The following SEMA4D variants were observed in gnomAD, a reference collection of about 807,000 sequenced individuals.
SEMA4D encodes the protein semaphorin 4D, also known as semaphorin-4D.
SEMA4D carries 22 observed loss-of-function variants against 74.8 expected under a neutral mutation model. The ratio of observed to expected loss-of-function variants is 0.29; its 90% CI spans 0.21 to 0.42. The LOEUF (loss-of-function observed/expected upper bound fraction) is 0.42. Among genes scored for constraint, SEMA4D ranks in the 10% least tolerant of loss-of-function variants. The pLI is 1.00. For missense variants in SEMA4D, 937 were observed against 1,118.4 expected (o/e 0.84, Z 2.31); for synonymous variants, 445 against 463.7 (o/e 0.96, Z 0.52).
At chr9:89,485,830 A>G (rs1274687756) in intron 1 of SEMA4D, among the ~76,000 whole-genome samples, 2 of 145,204 alleles carry the variant, frequency 1.4e-5, no homozygotes, top group East Asian at 3.9e-4. Flanking sequence ...AAAAAAAACC[A>G]CTAACCAACT....
intron 1 of SEMA4D, among the ~76,000 whole-genome samples, chr9:89,495,267 G>C (rs1825922219): frequency 6.6e-6 from 1 of 152,160 alleles, no homozygotes; most frequent in Non-Finnish European, 1.5e-5. Context: ...CGCTCAGGGA[G>C]GGTCACAGAA....
exon 19 of SEMA4D, chr9:89,361,762 T>G (rs1208302901): frequency 6.5e-6 from 1 of 153,346 alleles, no homozygotes; most frequent in East Asian, 1.9e-4. Flanking sequence ...CTGAGGTTAG[T>G]GAAGAAAACA....
downstream of SEMA4D, among the ~76,000 whole-genome samples, chr9:89,374,609 C>T (rs1277212672): frequency 6.6e-6 from 1 of 152,180 alleles, no homozygotes. Flanking sequence ...TGTTAAATGC[C>T]CTGTGGTTGA....
rs754067837 is a variant in SEMA4D at position 89,391,321 on chromosome 9, A to G, written c.717T>C (p.Ser239=). 13 of 1,614,116 alleles carry G rather than the reference A, an allele frequency of 8.1e-6. No individual in the cohort carries two copies. The South Asian group carries it at 1.1e-4, about 14-fold the overall frequency. The change falls in exon 9 of 16, where the codon TCT becomes TCC. Residue 239 remains serine, a synonymous_variant. Transcript: ENST00000422704. Reference sequence around the variant, plus strand: ...CCCTGAACACAAACTCATACTCCACAGACACCTCCGTGAAGAAGAAGTAGA... The same window carrying G: ...CCCTGAACACAAACTCATACTCCACGGACACCTCCGTGAAGAAGAAGTAGA... The part of the protein sequence containing the change: ...DRVYFFFTEV[S]VEYEFVFRVL...
intron 2 of SEMA4D, among the ~76,000 whole-genome samples, chr9:89,431,643 G>A (rs1463604743): frequency 1.3e-5 from 2 of 152,134 alleles, no homozygotes; most frequent in Non-Finnish European, 2.9e-5. Context: ...GACTACAGGC[G>A]TGAGCCATCA....
At chr9:89,373,463 A>G (rs1835385888), downstream of SEMA4D, among the ~76,000 whole-genome samples, 1 of 152,304 alleles carries the variant, frequency 6.6e-6, no homozygotes, top group African/African-American at 2.4e-5. Context: ...AACCCTGACC[A>G]GCTGACCTTC....
chr9:89,391,323 A>C lies in SEMA4D; in HGVS notation c.715T>G (p.Ser239Ala). The change falls in exon 9 of 16, where the codon TCT becomes GCT. Residue 239 changes from serine (S) to alanine (A), a missense_variant. Physicochemically the swap from Ser to Ala is moderately conservative, Grantham distance 99. Transcript: ENST00000422704. ...CTGAACACAAACTCATACTCCACAG[A>C]CACCTCCGTGAAGAAGAAGTAGACC... is the stretch of plus-strand genomic sequence containing the variant. ...DRVYFFFTEV[S>A]VEYEFVFRVL... 3 of 1,614,230 alleles carry C rather than the reference A, an allele frequency of 1.9e-6. No homozygotes were observed. The highest frequency in any genetic ancestry group is 2.5e-6 in the Non-Finnish European group (3 of 1,180,028).
intron 3 of SEMA4D, among the ~76,000 whole-genome samples, chr9:89,404,935 G>A (rs59435638): frequency 6.5e-5 from 1 of 15,428 alleles, no homozygotes; most frequent in Non-Finnish European, 1.1e-4. Context: ...CCATCCCATC[G>A]CCAGCCACCC....
At position 89,439,620 on chromosome 9, in the gene SEMA4D, C is replaced by T. The variant is rs556641054; in HGVS notation, c.-244+16268G>A. Reference sequence around the variant, plus strand: ...CAAACACCTGCATTCACCACCCACACGAACAATGTGGTGCAGCATTTATTC... The same window carrying T: ...CAAACACCTGCATTCACCACCCACATGAACAATGTGGTGCAGCATTTATTC... On this transcript the variant is annotated intron_variant, in intron 2 of 15. Coordinates refer to ENST00000422704, the MANE Select transcript of SEMA4D (RefSeq NM_001371194.2). Among the ~76,000 whole-genome samples the T allele has an allele frequency of 1.7e-4, 26 of 152,322 alleles. No individual in the cohort carries two copies. In the South Asian group the frequency reaches 1.9e-3, roughly 11 times the overall value.
intron 8 of SEMA4D, among the ~76,000 whole-genome samples, chr9:89,391,621 C>A (rs13287803): frequency 2.0e-5 from 3 of 152,142 alleles, no homozygotes; most frequent in Non-Finnish European, 4.4e-5. Context: ...GCCCTACCCC[C>A]ACCTCCTCGG....
chr9:89,392,107 T>C (rs916106739), intron 8 of SEMA4D, among the ~76,000 whole-genome samples: 1 of 152,244 alleles, frequency 6.6e-6, no homozygotes, highest in African/African-American at 2.4e-5. Context: ...CTGGAAATTA[T>C]ACCATGTCCC....
At chr9:89,369,902 ATG>A (rs1161914373) in intron 16 of SEMA4D, among the ~76,000 whole-genome samples, 1 of 148,932 alleles carries the variant, frequency 6.7e-6, no homozygotes, top group Non-Finnish European at 1.5e-5. Flanking sequence ...GTATGTGTGG[ATG>A]TGATTGGTGT....
chr9:89,495,915 T>A (rs1022679718), intron 1 of SEMA4D, among the ~76,000 whole-genome samples: 2 of 152,218 alleles, frequency 1.3e-5, no homozygotes, highest in Non-Finnish European at 2.9e-5. Context: ...TTATTGATTT[T>A]GCTGTTGTGC....
chr9:89,376,618 C>G (rs1835819616), downstream of SEMA4D: 4 of 635,170 alleles, frequency 6.3e-6, no homozygotes, highest in African/African-American at 1.8e-5. Context: ...CTGGTTGACC[C>G]CTGTACACTA....
intron 2 of SEMA4D, among the ~76,000 whole-genome samples, chr9:89,441,452 G>A (rs1323392965): frequency 2.0e-5 from 3 of 152,268 alleles, no homozygotes; most frequent in East Asian, 3.8e-4. Flanking sequence ...GGATGTGGCC[G>A]AGGTGATGAT....
intron 1 of SEMA4D, chr9:89,479,813 T>C (rs961421729): frequency 6.2e-4 from 98 of 158,304 alleles, no homozygotes; most frequent in East Asian, 4.0e-3. Flanking sequence ...AAAAGCAGCG[T>C]GGACCCAAAG....
intron 2 of SEMA4D, among the ~76,000 whole-genome samples, chr9:89,446,727 G>A (rs772234107): frequency 3.9e-4 from 60 of 152,310 alleles, no homozygotes; most frequent in Middle Eastern, 3.4e-3. Context: ...CAAGGCAGCA[G>A]CAGGAGGAGA....
At chr9:89,406,134 C>A (rs1843271390) in intron 2 of SEMA4D, among the ~76,000 whole-genome samples, 1 of 152,184 alleles carries the variant, frequency 6.6e-6, no homozygotes, top group South Asian at 2.1e-4. Flanking sequence ...GCCAGAAAAA[C>A]CAGAGGCTGC....
At chr9:89,403,690 C>G (rs1842666621) in intron 3 of SEMA4D, among the ~76,000 whole-genome samples, 1 of 152,098 alleles carries the variant, frequency 6.6e-6, no homozygotes, top group Non-Finnish European at 1.5e-5. Flanking sequence ...TTTTTAGGAC[C>G]TGTTTCTTCA....
Sources: gnomAD v4.1 joint callset for allele counts (sites outside exome capture counted in the v4.1 genomes callset) on GRCh38, gnomAD v4.1.1 for gene constraint, MANE v1.5 for transcripts, NCBI Gene and HGNC (gene_info 2026-07-23, HGNC 2026-07-21) for gene names.